LOC128462377: variants seen among roughly 807,000 people sequenced by gnomAD.
the LOC128462377 span, among the ~76,000 whole-genome samples, chr16:89,405,977 G>C: frequency 6.6e-6 from 1 of 152,060 alleles, no homozygotes; most frequent in Admixed American, 6.5e-5. Context: ...GGGCGTGGTG[G>C]CACACACCTG....
the LOC128462377 span, among the ~76,000 whole-genome samples, chr16:89,344,655 T>C: frequency 2.0e-5 from 3 of 152,016 alleles, no homozygotes; most frequent in Admixed American, 6.5e-5. Context: ...GGGCCAGAAA[T>C]GAGGGCACCC....
At chr16:89,416,068 C>T in the LOC128462377 span, among the ~76,000 whole-genome samples, 1 of 152,048 alleles carries the variant, frequency 6.6e-6, no homozygotes. Context: ...AAAATCAATA[C>T]TGAGGATCTA....
the LOC128462377 span, among the ~76,000 whole-genome samples, chr16:89,338,831 A>T: frequency 3.9e-5 from 6 of 152,298 alleles, no homozygotes; most frequent in South Asian, 1.2e-3. Context: ...GCCAGGCAAA[A>T]CAATCATTTC....
At chr16:89,333,048 G>C in the LOC128462377 span, among the ~76,000 whole-genome samples, 2 of 152,176 alleles carry the variant, frequency 1.3e-5, no homozygotes, top group Non-Finnish European at 2.9e-5. Context: ...GGAACCCCCA[G>C]GGAAGAAGGG....
At chr16:89,340,735 C>G in the LOC128462377 span, among the ~76,000 whole-genome samples, 1 of 152,204 alleles carries the variant, frequency 6.6e-6, no homozygotes, top group Non-Finnish European at 1.5e-5. Context: ...TAACAGGAGG[C>G]TGTTCATTGG....
At chr16:89,319,703 T>C in the LOC128462377 span, among the ~76,000 whole-genome samples, 2 of 152,376 alleles carry the variant, frequency 1.3e-5, no homozygotes, top group South Asian at 2.1e-4. Context: ...ATCTGCTGGA[T>C]GTGGATGAAG....
At chr16:89,369,281 C>T in the LOC128462377 span, among the ~76,000 whole-genome samples, 1 of 152,232 alleles carries the variant, frequency 6.6e-6, no homozygotes, top group African/African-American at 2.4e-5. Flanking sequence ...AATGCCCACA[C>T]GTCTCCACGA....
At chr16:89,405,416 T>C in the LOC128462377 span, among the ~76,000 whole-genome samples, 15 of 151,646 alleles carry the variant, frequency 9.9e-5, no homozygotes, top group South Asian at 1.3e-3. Flanking sequence ...CTCGACCTCC[T>C]GGGCTCAGGC....
chr16:89,366,369 G>C, the LOC128462377 span, among the ~76,000 whole-genome samples: 1 of 152,120 alleles, frequency 6.6e-6, no homozygotes, highest in East Asian at 1.9e-4. Flanking sequence ...TGGGTCAAAT[G>C]GTAGTTCTGG....
chr16:89,322,687 G>C, the LOC128462377 span, among the ~76,000 whole-genome samples: 1 of 150,804 alleles, frequency 6.6e-6, no homozygotes, highest in Non-Finnish European at 1.5e-5. Flanking sequence ...GGAGGGTGGG[G>C]AAGGGGGAGT....
At chr16:89,325,642 C>T in the LOC128462377 span, among the ~76,000 whole-genome samples, 3 of 152,192 alleles carry the variant, frequency 2.0e-5, no homozygotes, top group Admixed American at 1.3e-4. Flanking sequence ...TTGGAAGGGA[C>T]GGTGAAACGG....
the LOC128462377 span, among the ~76,000 whole-genome samples, chr16:89,357,710 C>T: frequency 3.0e-3 from 462 of 152,260 alleles, no homozygotes; most frequent in Non-Finnish European, 4.6e-3. Context: ...GCCAATGCTG[C>T]GGACTCCACT....
chr16:89,368,304 C>A, the LOC128462377 span, among the ~76,000 whole-genome samples: 3 of 149,814 alleles, frequency 2.0e-5, no homozygotes, highest in Non-Finnish European at 3.0e-5. Flanking sequence ...ACAAGCGATT[C>A]TCCTGCCATA....
the LOC128462377 span, among the ~76,000 whole-genome samples, chr16:89,396,600 G>A: frequency 6.6e-6 from 1 of 152,054 alleles, no homozygotes; most frequent in Admixed American, 6.5e-5. Flanking sequence ...CAGGAACAGC[G>A]AGGAGAACCC....
chr16:89,317,524 C>T, the LOC128462377 span, among the ~76,000 whole-genome samples: 3 of 152,130 alleles, frequency 2.0e-5, no homozygotes, highest in African/African-American at 7.2e-5. Context: ...TGTCCACAGC[C>T]CCAGCCTCAC....
chr16:89,335,411 G>A, the LOC128462377 span, among the ~76,000 whole-genome samples: 1 of 152,208 alleles, frequency 6.6e-6, no homozygotes, highest in Admixed American at 6.5e-5. Flanking sequence ...TGAGGCCTCT[G>A]CATTCAGGGG....
the LOC128462377 span, among the ~76,000 whole-genome samples, chr16:89,363,701 T>G: frequency 6.6e-6 from 1 of 152,060 alleles, no homozygotes; most frequent in African/African-American, 2.4e-5. Flanking sequence ...CAGGCCCCTG[T>G]GAAACAAACA....
At chr16:89,337,600 A>T in the LOC128462377 span, among the ~76,000 whole-genome samples, 2 of 151,554 alleles carry the variant, frequency 1.3e-5, no homozygotes, top group African/African-American at 2.4e-5. Context: ...CCATGCCCAG[A>T]TAATTTTTTT....
chr16:89,346,938 G>A, the LOC128462377 span, among the ~76,000 whole-genome samples: 1 of 152,150 alleles, frequency 6.6e-6, no homozygotes, highest in African/African-American at 2.4e-5. Context: ...TAGAGAACAA[G>A]CTACACGACA....
Sources: allele counts gnomAD v4.1 joint callset (sites outside exome capture counted in the v4.1 genomes callset), GRCh38; gene constraint gnomAD v4.1.1; transcripts MANE v1.5.